RFPL2: variants seen among roughly 807,000 people sequenced by gnomAD.
The protein encoded by RFPL2 is ret finger protein-like 2.
Under a neutral mutation model 17.8 loss-of-function variants are expected in RFPL2, and 13 were observed. That is an observed-to-expected ratio of 0.73 (90% CI 0.47 to 1.16). The LOEUF (loss-of-function observed/expected upper bound fraction) is 1.16, where lower values mean the gene tolerates loss of function less well. Ranked by LOEUF, RFPL2 falls within the 50% of genes most tolerant of loss-of-function variation. The pLI, the probability that RFPL2 is intolerant of heterozygous loss-of-function variation, is 0.00. For synonymous variants in RFPL2, 189 were observed against 180.9 expected, an observed-to-expected ratio of 1.04 and a Z score of -0.36; for missense variants, 431 against 479.3, an observed-to-expected ratio of 0.90 and a Z score of 0.94.
At chr22:32,202,869 G>A in intron 1 of RFPL2, 1 of 1,031,208 alleles carries the variant, frequency 9.7e-7, no homozygotes, top group Non-Finnish European at 1.2e-6. Context: ...CACCCACAGG[G>A]CCCTGTAGCC....
At chr22:32,196,069 G>T (rs1269412220) in intron 2 of RFPL2, among the ~76,000 whole-genome samples, 5 of 152,030 alleles carry the variant, frequency 3.3e-5, no homozygotes, top group Non-Finnish European at 7.4e-5. Flanking sequence ...CTGCTTCTGT[G>T]AGCTCAGCAT....
At chr22:32,203,054 C>T in intron 1 of RFPL2, 1 of 985,742 alleles carries the variant, frequency 1.0e-6, no homozygotes, top group Non-Finnish European at 1.2e-6. Flanking sequence ...AGAGGAGGAC[C>T]GCTCCTCTCT....
chr22:32,203,588 C>T (rs1924200546), intron 1 of RFPL2: 1 of 151,788 alleles, frequency 6.6e-6, no homozygotes, highest in African/African-American at 2.4e-5. Flanking sequence ...CCTCCCCACC[C>T]AGCCACTGGC....
chr22:32,204,041 G>A (rs1924267748), intron 1 of RFPL2, among the ~76,000 whole-genome samples: 1 of 147,998 alleles, frequency 6.8e-6, no homozygotes. Flanking sequence ...ACCACCGCCG[G>A]CAGTCCAACC....
At chr22:32,204,247 CCAA>C (rs1924301756) in intron 1 of RFPL2, among the ~76,000 whole-genome samples, 1 of 151,826 alleles carries the variant, frequency 6.6e-6, no homozygotes, top group African/African-American at 2.4e-5. Flanking sequence ...GATATCACAG[CCAA>C]CAAGTTCCCT....
At position 32,191,139 on chromosome 22, in the gene RFPL2, A is replaced by G. The variant is rs757492104; in HGVS notation, c.770T>C (p.Val257Ala). The stretch of plus-strand genomic sequence containing the variant: ...TTTGCGGTGAACAGATTCTCTGCAG[A>G]CTCCCAGGTCCCATTCTGTGCTTGT... ...VGTSTEWDLGVCRESVHRKGR... is the reference protein window; with the variant it reads ...VGTSTEWDLGACRESVHRKGR... The change falls in exon 5 of 5, where the codon GTC becomes GCC. Residue 257 changes from valine (V) to alanine (A), a missense_variant. Transcript: ENST00000652607. 18 of 1,613,568 alleles carry G rather than the reference A, an allele frequency of 1.1e-5. No homozygotes were observed. In the African/African-American group the frequency reaches 2.1e-4, roughly 19 times the overall value.
At chr22:32,197,916 C>G (rs1923518018) in intron 2 of RFPL2, among the ~76,000 whole-genome samples, 2 of 152,048 alleles carry the variant, frequency 1.3e-5, no homozygotes, top group African/African-American at 4.8e-5. Context: ...AACATGAGAC[C>G]CTGAGAGGGT....
intron 1 of RFPL2, chr22:32,202,956 A>G: frequency 2.0e-6 from 2 of 986,222 alleles, no homozygotes; most frequent in Non-Finnish European, 2.4e-6. Context: ...CGGGTCCAGG[A>G]AGCACCACGG....
chr22:32,194,795 C>T (rs971017079), intron 2 of RFPL2, among the ~76,000 whole-genome samples: 1 of 149,930 alleles, frequency 6.7e-6, no homozygotes, highest in Admixed American at 6.6e-5. Flanking sequence ...AATTCATATA[C>T]ATCAGACTCA....
Position 32,202,510 on chromosome 22 carries a change from C to T in RFPL2, c.-59G>A. The stretch of plus-strand genomic sequence containing the variant: ...TCCAGCCCGTGGCATGTAGCTCCTT[C>T]TCAGGGCACTGGGCATCCGGGCAGA... On this transcript the variant is annotated 5_prime_UTR_variant, in exon 2 of 5. Coordinates refer to ENST00000652607, the MANE Select transcript of RFPL2 (RefSeq NM_001394555.1). 1.3e-6 allele frequency: 2 copies of T among 1,551,124 alleles called. No homozygotes were observed. Among genetic ancestry groups the T allele is most frequent in the Non-Finnish European group, 1.7e-6 (2 of 1,147,654 alleles).
At chr22:32,199,896 T>G (rs1301545898) in intron 2 of RFPL2, 1 of 441,090 alleles carries the variant, frequency 2.3e-6, no homozygotes, top group African/African-American at 2.3e-5. Context: ...GATGCTGACC[T>G]CCTGCCGCTC....
chr22:32,195,615 C>T (rs1243253813), intron 2 of RFPL2, among the ~76,000 whole-genome samples: 4 of 151,064 alleles, frequency 2.6e-5, no homozygotes, highest in Non-Finnish European at 5.9e-5. Flanking sequence ...GCCACCATGC[C>T]TGGCTAATTT....
intron 1 of RFPL2, chr22:32,203,053 C>T (rs1465836226): frequency 2.0e-6 from 2 of 985,684 alleles, no homozygotes; most frequent in African/African-American, 1.7e-5. Context: ...AAGAGGAGGA[C>T]CGCTCCTCTC....
chr22:32,198,435 C>T (rs973180129), intron 2 of RFPL2, among the ~76,000 whole-genome samples: 1 of 151,044 alleles, frequency 6.6e-6, no homozygotes, highest in African/African-American at 2.4e-5. Context: ...CAAATGCCCA[C>T]CGGGGTCAGT....
Position 32,193,040 on chromosome 22 carries a change from A to C in RFPL2, c.418T>G (p.Cys140Gly). Residue 140 changes from cysteine (C) to glycine (G), a missense_variant, in exon 4 of 5, where the codon TGT becomes GGT. By Grantham distance (159) the Cys-to-Gly change is radical. Transcript: ENST00000652607. ...KEPHGEDLLC[C>G]CSSMVSRKNK... Reference sequence around the variant, plus strand: ...TTCCGAGAGACCATGGAAGAGCAACAGCAAAGTAGATCCTCCCCATGGGGC... The same window carrying C: ...TTCCGAGAGACCATGGAAGAGCAACCGCAAAGTAGATCCTCCCCATGGGGC... The C allele has an allele frequency of 6.2e-7, 1 of 1,614,054 alleles. No individual in the cohort carries two copies. Among genetic ancestry groups the C allele is most frequent in the Non-Finnish European group, 8.5e-7 (1 of 1,179,944 alleles).
chr22:32,202,771 G>C, intron 1 of RFPL2: 1 of 1,097,252 alleles, frequency 9.1e-7, no homozygotes. Flanking sequence ...CACCCTGGCT[G>C]CACTCCTCGG....
intron 1 of RFPL2, chr22:32,203,088 A>T (rs1305252704): frequency 2.0e-6 from 2 of 985,438 alleles, no homozygotes; most frequent in Non-Finnish European, 2.4e-6. Flanking sequence ...TGTCACTGAC[A>T]CCTCCACCGC....
chr22:32,202,324 GTC>G lies in RFPL2; in HGVS notation c.119+7_119+8del. 1 of 1,585,556 alleles carries G rather than the reference GTC, an allele frequency of 6.3e-7. No individual in the cohort carries two copies. Among genetic ancestry groups the G allele is most frequent in the African/African-American group, 1.3e-5 (1 of 74,362 alleles). On this transcript the variant is annotated splice_region_variant and intron_variant, in intron 2 of 4. Coordinates refer to ENST00000652607, the MANE Select transcript of RFPL2 (RefSeq NM_001394555.1). ...GGAGCAATGCGGAAAACCCAGAATTGTCTCTCACCTCAGGCTCCTTATCACCA... is the reference window on the plus strand; with the variant it reads ...GGAGCAATGCGGAAAACCCAGAATTGTCTCACCTCAGGCTCCTTATCACCA...
chr22:32,200,145 C>T (rs1044724697), intron 2 of RFPL2: 2 of 383,490 alleles, frequency 5.2e-6, no homozygotes, highest in South Asian at 4.1e-5. Flanking sequence ...GACACCCCAT[C>T]AATGGAGGTC....
Sources: allele counts gnomAD v4.1 joint callset (sites outside exome capture counted in the v4.1 genomes callset), GRCh38; gene constraint gnomAD v4.1.1; transcripts MANE v1.5; gene names NCBI Gene and HGNC (gene_info 2026-07-23, HGNC 2026-07-21).